LIFR: variants seen among roughly 807,000 people sequenced by gnomAD.
LIFR encodes the protein leukemia inhibitory factor receptor.
A neutral mutation model predicts 122.2 loss-of-function variants in LIFR; 84 were observed. That is an observed-to-expected ratio of 0.69 (90% CI 0.58 to 0.82). The LOEUF is 0.82. LIFR is among the 40% of genes least tolerant of loss of function. LIFR has a pLI of 0.00. For missense variants in LIFR, 1,294 were observed against 1,311.6 expected, an observed-to-expected ratio of 0.99 and a Z score of 0.21; for synonymous variants, 422 against 434.7, an observed-to-expected ratio of 0.97 and a Z score of 0.36.
chr5:38,524,156 C>G (rs1280637619), intron 4 of LIFR, among the ~76,000 whole-genome samples: 1 of 152,182 alleles, frequency 6.6e-6, no homozygotes, highest in African/African-American at 2.4e-5. Flanking sequence ...TCTCTGTTTT[C>G]TCTGCAGCTG....
intron 2 of LIFR, among the ~76,000 whole-genome samples, chr5:38,603,256 T>C (rs903702486): frequency 1.3e-5 from 2 of 152,216 alleles, no homozygotes; most frequent in African/African-American, 4.8e-5. Context: ...CCTTGGTCTC[T>C]TTTCTTGCCT....
At chr5:38,501,297 C>T (rs1271060482) in intron 11 of LIFR, among the ~76,000 whole-genome samples, 1 of 151,942 alleles carries the variant, frequency 6.6e-6, no homozygotes, top group Admixed American at 6.6e-5. Context: ...TCGCAAAATG[C>T]CCTCATCTCT....
At chr5:38,528,943 G>T (rs1746854177) in intron 2 of LIFR, 103 bp from the exon 3 acceptor site, 1 of 750,824 alleles carries the variant, frequency 1.3e-6, no homozygotes, top group Admixed American at 2.0e-5. Context: ...ACCATTTTCA[G>T]TTGTAAGCAC....
At chr5:38,513,748 C>T (rs980075780) in intron 5 of LIFR, among the ~76,000 whole-genome samples, 4 of 152,154 alleles carry the variant, frequency 2.6e-5, no homozygotes, top group African/African-American at 9.7e-5. Flanking sequence ...ATCCTCATCA[C>T]TCTAGAGGGA....
At chr5:38,593,207 C>A (rs1463745100) in intron 1 of LIFR, among the ~76,000 whole-genome samples, 4 of 151,336 alleles carry the variant, frequency 2.6e-5, no homozygotes, top group South Asian at 4.2e-4. Context: ...TGTCTCAAAA[C>A]CAAAAAACAA....
intron 7 of LIFR, among the ~76,000 whole-genome samples, chr5:38,507,237 A>AT (rs373551085): frequency 3.6e-3 from 522 of 143,936 alleles, no homozygotes; most frequent in African/African-American, 7.7e-3. Flanking sequence ...ATTAAAAGAA[A>AT]TTTTTTTTTT....
intron 5 of LIFR, among the ~76,000 whole-genome samples, chr5:38,520,259 GTCT>G (rs1347273189): frequency 6.6e-6 from 1 of 152,082 alleles, no homozygotes; most frequent in African/African-American, 2.4e-5. Flanking sequence ...TTGTCCATAT[GTCT>G]TCTTTTGAGA....
At chr5:38,551,386 G>A (rs964660150) in intron 1 of LIFR, among the ~76,000 whole-genome samples, 1 of 152,104 alleles carries the variant, frequency 6.6e-6, no homozygotes, top group Non-Finnish European at 1.5e-5. Flanking sequence ...CCTCCAACTC[G>A]ACAGGTACAA....
chr5:38,605,507 A>C (rs1750309958), intron 2 of LIFR, among the ~76,000 whole-genome samples: 1 of 152,196 alleles, frequency 6.6e-6, no homozygotes, highest in Non-Finnish European at 1.5e-5. Flanking sequence ...AGAATTTAGA[A>C]GCAAGTGCTA....
Position 38,530,686 on chromosome 5 carries a change from C to G in LIFR, c.-19-20G>C. On this transcript the variant is annotated intron_variant, in intron 1 of 19. Coordinates refer to ENST00000453190, the MANE Select transcript of LIFR (RefSeq NM_001127671.2). Reference sequence around the variant, plus strand: ...TCAGTCCTAGGTTAGGAGAGGAATTCCAGATGGTGTTCAGATTGTTCTGAA... The same window carrying G: ...TCAGTCCTAGGTTAGGAGAGGAATTGCAGATGGTGTTCAGATTGTTCTGAA... 6.2e-7 allele frequency: 1 copy of G among 1,608,262 alleles called. No homozygotes were observed. The highest frequency in any genetic ancestry group is 8.5e-7 in the Non-Finnish European group (1 of 1,174,770).
chr5:38,520,823 T>C (rs1326467411), intron 5 of LIFR, among the ~76,000 whole-genome samples: 1 of 152,224 alleles, frequency 6.6e-6, no homozygotes, highest in Non-Finnish European at 1.5e-5. Context: ...ACATGCTGTT[T>C]TGATTACTAT....
chr5:38,521,127 C>T (rs184807030), intron 5 of LIFR, among the ~76,000 whole-genome samples: 234 of 152,116 alleles, frequency 1.5e-3, no homozygotes, highest in African/African-American at 5.3e-3. Flanking sequence ...TGTAGTTTTC[C>T]TTATAGAGAT....
At chr5:38,579,854 A>G (rs1749525649) in intron 1 of LIFR, among the ~76,000 whole-genome samples, 1 of 152,216 alleles carries the variant, frequency 6.6e-6, no homozygotes, top group Non-Finnish European at 1.5e-5. Context: ...GGGGAATTCT[A>G]TGCAAATATC....
intron 1 of LIFR, among the ~76,000 whole-genome samples, chr5:38,566,212 A>G (rs1196021677): frequency 6.6e-6 from 1 of 152,230 alleles, no homozygotes; most frequent in East Asian, 1.9e-4. Flanking sequence ...CCGAAGGTTA[A>G]TTACAGCTCA....
chr5:38,547,236 T>C (rs1177363852), intron 1 of LIFR, among the ~76,000 whole-genome samples: 3 of 152,148 alleles, frequency 2.0e-5, no homozygotes, highest in South Asian at 4.1e-4. Flanking sequence ...AGAATACATA[T>C]CTATATGCAC....
intron 1 of LIFR, among the ~76,000 whole-genome samples, chr5:38,553,009 C>T (rs1265757265): frequency 6.6e-6 from 1 of 152,210 alleles, no homozygotes; most frequent in Non-Finnish European, 1.5e-5. Context: ...TCACATCTTT[C>T]CCACGTCTGT....
chr5:38,503,539 A>G lies in LIFR; in HGVS notation c.1437+437T>C, dbSNP rs112771384. Among the ~76,000 whole-genome samples, 718 of 152,030 alleles carry G rather than the reference A, an allele frequency of 4.7e-3. 3 individuals carry two copies. Among genetic ancestry groups the G allele is most frequent in the Non-Finnish European group, 6.9e-3 (468 of 67,816 alleles). On this transcript the variant is annotated intron_variant, in intron 10 of 19. Coordinates refer to ENST00000453190, the MANE Select transcript of LIFR (RefSeq NM_001127671.2). Reference sequence around the variant, plus strand: ...CTTACCACAAATTACAAGATAGTATAATATAAAAGTCAACCTAAATATTTA... The same window carrying G: ...CTTACCACAAATTACAAGATAGTATGATATAAAAGTCAACCTAAATATTTA...
intron 19 of LIFR, among the ~76,000 whole-genome samples, 158 bp from the exon 20 acceptor site, chr5:38,482,376 T>G (rs1259348985): frequency 6.8e-6 from 1 of 146,566 alleles, no homozygotes; most frequent in Non-Finnish European, 1.5e-5. Flanking sequence ...TTTTCTTCCG[T>G]ATCAGTATTT....
chr5:38,519,216 G>A (rs1746270151), intron 5 of LIFR, among the ~76,000 whole-genome samples: 2 of 152,162 alleles, frequency 1.3e-5, no homozygotes, highest in African/African-American at 2.4e-5. Context: ...CTACAGTGGT[G>A]AATAGTCATG....
Sources: gnomAD v4.1 joint callset for allele counts (sites outside exome capture counted in the v4.1 genomes callset) on GRCh38, gnomAD v4.1.1 for gene constraint, MANE v1.5 for transcripts, NCBI Gene and HGNC (gene_info 2026-07-23, HGNC 2026-07-21) for gene names.